The following ZNRF1 variants were observed in gnomAD, a reference collection of about 807,000 sequenced individuals.
The protein encoded by ZNRF1 is E3 ubiquitin-protein ligase ZNRF1.
ZNRF1 carries 3 observed loss-of-function variants against 18.4 expected under a neutral mutation model. The ratio of observed to expected loss-of-function variants is 0.16; its 90% confidence interval spans 0.07 to 0.42. ZNRF1 has a LOEUF of 0.42. Among genes scored for constraint, ZNRF1 ranks in the 10% least tolerant of loss-of-function variants. ZNRF1 has a pLI of 0.99. For missense variants in ZNRF1, 310 were observed against 329.8 expected (o/e 0.94, Z 0.47); for synonymous variants, 157 against 144.2 (o/e 1.09, Z -0.64).
At chr16:75,106,901 TG>T (rs1486519396) in intron 4 of ZNRF1, 1 of 262,260 alleles carries the variant, frequency 3.8e-6, no homozygotes, top group African/African-American at 2.2e-5. Flanking sequence ...GCCTGAGCGG[TG>T]GGTTTGTGCC....
At chr16:75,079,034 A>G (rs373578671) in intron 1 of ZNRF1, among the ~76,000 whole-genome samples, 37 of 152,254 alleles carry the variant, frequency 2.4e-4, no homozygotes, top group African/African-American at 7.9e-4. Context: ...TCCCATTCTT[A>G]TCTACCCGGT....
rs567910575 is a variant in ZNRF1 at position 75,060,079 on chromosome 16, A to T, written c.425-33493A>T. On this transcript the variant is annotated intron_variant, in intron 1 of 4. Coordinates refer to ENST00000335325, the MANE Select transcript of ZNRF1 (RefSeq NM_032268.5). ...TTTCTTTTCTTTTTTTTTTGAGGCGAGTCTCACTCTCTTGCCCAGGCTGGA... is the reference window on the plus strand; with the variant it reads ...TTTCTTTTCTTTTTTTTTTGAGGCGTGTCTCACTCTCTTGCCCAGGCTGGA... 4.0e-5 allele frequency among the ~76,000 whole-genome samples: 6 copies of T among 151,828 alleles called. No homozygotes were observed. The South Asian group carries it at 1.2e-3, about 32-fold the overall frequency.
intron 1 of ZNRF1, among the ~76,000 whole-genome samples, chr16:75,044,241 A>T (rs1042192450): frequency 6.6e-6 from 1 of 151,966 alleles, no homozygotes; most frequent in Non-Finnish European, 1.5e-5. Flanking sequence ...AATTTATTTT[A>T]TTTTTTGAGA....
chr16:75,019,328 C>T (rs2035113772), intron 1 of ZNRF1, among the ~76,000 whole-genome samples: 1 of 151,876 alleles, frequency 6.6e-6, no homozygotes, highest in African/African-American at 2.4e-5. Flanking sequence ...GTATGAGTCA[C>T]CATGCCTGGA....
intron 1 of ZNRF1, among the ~76,000 whole-genome samples, chr16:75,005,374 T>G (rs1270008436): frequency 6.6e-6 from 1 of 152,184 alleles, no homozygotes; most frequent in Non-Finnish European, 1.5e-5. Context: ...AGCGTTTGCT[T>G]TATGGGATAC....
intron 1 of ZNRF1, among the ~76,000 whole-genome samples, chr16:75,059,343 G>C (rs533570771): frequency 1.5e-5 from 2 of 137,328 alleles, no homozygotes; most frequent in African/African-American, 5.5e-5. Flanking sequence ...CACCTCCTCC[G>C]TTCAAGCGAT....
intron 1 of ZNRF1, among the ~76,000 whole-genome samples, chr16:75,091,822 C>T (rs1165943637): frequency 6.6e-6 from 1 of 152,116 alleles, no homozygotes; most frequent in Non-Finnish European, 1.5e-5. Flanking sequence ...CAGGCATGCA[C>T]GACCACACCC....
chr16:75,075,443 G>T (rs2035927775), intron 1 of ZNRF1, among the ~76,000 whole-genome samples: 1 of 152,250 alleles, frequency 6.6e-6, no homozygotes, highest in African/African-American at 2.4e-5. Context: ...ACGCTTCACT[G>T]TCCTACTTAA....
chr16:75,091,631 C>G (rs1453088611), intron 1 of ZNRF1, among the ~76,000 whole-genome samples: 1 of 150,926 alleles, frequency 6.6e-6, no homozygotes, highest in Non-Finnish European at 1.5e-5. Flanking sequence ...CTCCTGGGCT[C>G]AAGCCATCCT....
At chr16:75,074,777 G>T (rs4888336) in intron 1 of ZNRF1, among the ~76,000 whole-genome samples, 140,722 of 152,110 alleles carry the variant, frequency 0.93, 65,128 homozygotes, top group Non-Finnish European at 0.93. Flanking sequence ...CATAATAAAG[G>T]TTTTTTTAGG....
intron 2 of ZNRF1, among the ~76,000 whole-genome samples, chr16:75,096,468 T>C (rs975086512): frequency 6.6e-5 from 10 of 152,090 alleles, no homozygotes; most frequent in Non-Finnish European, 1.3e-4. Flanking sequence ...TTTGTCATCA[T>C]CCCAACCTCA....
chr16:75,029,279 T>C (rs1268895032), intron 1 of ZNRF1, among the ~76,000 whole-genome samples: 4 of 152,256 alleles, frequency 2.6e-5, no homozygotes, highest in African/African-American at 9.6e-5. Flanking sequence ...CCCAGGTAGC[T>C]GGGATTACAG....
At chr16:75,002,349 GTT>G (rs1157276990) in intron 1 of ZNRF1, 2 of 152,160 alleles carry the variant, frequency 1.3e-5, no homozygotes, top group Non-Finnish European at 2.9e-5. Context: ...AGCAAAACTT[GTT>G]TCTGCTTTGG....
chr16:75,020,789 C>T (rs1438214563), intron 1 of ZNRF1, among the ~76,000 whole-genome samples: 2 of 151,980 alleles, frequency 1.3e-5, no homozygotes, highest in East Asian at 3.9e-4. Flanking sequence ...TGATCCGCTG[C>T]CCTCGGCCTC....
intron 1 of ZNRF1, among the ~76,000 whole-genome samples, chr16:75,022,815 G>A (rs1034446112): frequency 9.9e-5 from 15 of 152,190 alleles, no homozygotes; most frequent in African/African-American, 2.4e-4. Flanking sequence ...ATCGGTAAAT[G>A]TGTAATTTCA....
At chr16:75,036,974 C>G (rs2035384068) in intron 1 of ZNRF1, among the ~76,000 whole-genome samples, 2 of 152,164 alleles carry the variant, frequency 1.3e-5, no homozygotes, top group South Asian at 2.1e-4. Flanking sequence ...CTTGACAGTT[C>G]TTGTGTGCCT....
intron 1 of ZNRF1, among the ~76,000 whole-genome samples, chr16:75,058,011 CT>C (rs2035688677): frequency 6.6e-6 from 1 of 151,960 alleles, no homozygotes; most frequent in African/African-American, 2.4e-5. Flanking sequence ...TGTAAACCTT[CT>C]CAACAAATAT....
At chr16:75,054,065 A>G (rs899745329) in intron 1 of ZNRF1, among the ~76,000 whole-genome samples, 10 of 152,112 alleles carry the variant, frequency 6.6e-5, no homozygotes, top group Non-Finnish European at 1.0e-4. Context: ...CTTGTTGACA[A>G]TTCCCTTTGT....
chr16:75,045,450 G>T (rs1317995782), intron 1 of ZNRF1, among the ~76,000 whole-genome samples: 1 of 152,168 alleles, frequency 6.6e-6, no homozygotes, highest in Non-Finnish European at 1.5e-5. Context: ...GTAGAGGTGG[G>T]ACCAGTGCAA....
Sources: gnomAD v4.1 joint callset for allele counts (sites outside exome capture counted in the v4.1 genomes callset) on GRCh38, gnomAD v4.1.1 for gene constraint, MANE v1.5 for transcripts, NCBI Gene and HGNC (gene_info 2026-07-23, HGNC 2026-07-21) for gene names.